The following NIPSNAP3B variants were observed in gnomAD, a reference collection of about 807,000 sequenced individuals.
NIPSNAP3B encodes nipsnap homolog 3B, also known as protein NipSnap homolog 3B.
NIPSNAP3B carries 30 observed loss-of-function variants against 31.5 expected under a neutral mutation model. The ratio of observed to expected loss-of-function variants is 0.95; its 90% CI spans 0.71 to 1.29. NIPSNAP3B has a LOEUF of 1.29. Ranked by LOEUF, NIPSNAP3B falls within the 50% of genes most tolerant of loss-of-function variation. The probability of loss-of-function intolerance (pLI) is 0.00; values close to 1 mark genes in which losing one functional copy is unlikely to be tolerated. For missense variants in NIPSNAP3B, 269 were observed against 300.7 expected (o/e 0.89, Z 0.78); for synonymous variants, 106 against 107.9 (o/e 0.98, Z 0.11).
At chr9:104,770,728 T>C (rs939516938) in intron 3 of NIPSNAP3B, 121 bp from the exon 4 acceptor site, 1 of 740,090 alleles carries the variant, frequency 1.4e-6, no homozygotes, top group Non-Finnish European at 2.3e-6. Flanking sequence ...TGACTGCATA[T>C]GTATGTATAC....
At chr9:104,790,494 T>A in the NIPSNAP3B span, among the ~76,000 whole-genome samples, 20 of 152,298 alleles carry the variant, frequency 1.3e-4, no homozygotes, top group African/African-American at 4.6e-4. Flanking sequence ...TCATTAACAA[T>A]AAAAACTAAT....
rs1459914104 is a variant in NIPSNAP3B at position 104,774,344 on chromosome 9, G to A, written c.*1271G>A. Among the ~76,000 whole-genome samples, 1 of 152,184 alleles carries A rather than the reference G, an allele frequency of 6.6e-6. No individual in the cohort carries two copies. The highest frequency in any genetic ancestry group is 2.4e-5 in the African/African-American group (1 of 41,442). On this transcript the variant is annotated 3_prime_UTR_variant, in exon 6 of 6. Coordinates refer to ENST00000374762, the MANE Select transcript of NIPSNAP3B (RefSeq NM_018376.4). ...GTGAGATATTATTTATGAGAGGCAG[G>A]CAGTGGCAGCTTAAACAGACATACC...
chr9:104,788,506 T>C, the NIPSNAP3B span: 1 of 1,614,204 alleles, frequency 6.2e-7, no homozygotes, highest in Non-Finnish European at 8.5e-7. Context: ...AGCTCTGTGA[T>C]GGCATCAAAC....
rs1197607349 is a variant in NIPSNAP3B at position 104,774,654 on chromosome 9, T to A, written c.*1581T>A. On this transcript the variant is annotated 3_prime_UTR_variant, in exon 6 of 6. Transcript: ENST00000374762. ...TACACTCTACGTTACCTTAAAGGCTTCCCCGGTTTAAGCAAAAATAGAATT... is the reference window on the plus strand; with the variant it reads ...TACACTCTACGTTACCTTAAAGGCTACCCCGGTTTAAGCAAAAATAGAATT... 6.6e-6 allele frequency among the ~76,000 whole-genome samples: 1 copy of A among 152,164 alleles called. No individual in the cohort carries two copies. The highest frequency in any genetic ancestry group is 1.5e-5 in the Non-Finnish European group (1 of 68,028).
chr9:104,785,415 G>A, the NIPSNAP3B span: 2 of 1,614,034 alleles, frequency 1.2e-6, no homozygotes, highest in Admixed American at 1.7e-5. Context: ...TGTTGTCTGA[G>A]AAACAGAGTA....
chr9:104,764,388 G>A (rs1291155548), intron 1 of NIPSNAP3B, 88 bp downstream of exon 1: 5 of 1,214,878 alleles, frequency 4.1e-6, no homozygotes, highest in Admixed American at 5.7e-5. Context: ...CCACGCTCAG[G>A]CGCTCCCAGA....
At chr9:104,779,338 T>C (rs1321572299), downstream of NIPSNAP3B, among the ~76,000 whole-genome samples, 2 of 152,212 alleles carry the variant, frequency 1.3e-5, no homozygotes, top group Non-Finnish European at 2.9e-5. Flanking sequence ...CCCTAGTACC[T>C]AGAGAAGTAT....
At chr9:104,768,058 T>C (rs1206881201) in intron 2 of NIPSNAP3B, among the ~76,000 whole-genome samples, 3 of 152,176 alleles carry the variant, frequency 2.0e-5, no homozygotes, top group Admixed American at 6.5e-5. Flanking sequence ...ATAGATACTA[T>C]GTAAGTAGTT....
At position 104,772,290 on chromosome 9, in the gene NIPSNAP3B, G is replaced by GTTTTATCATGAT. The variant is rs1207623891; in HGVS notation, c.581-531_581-530insTTTATCATGATT. ...TTTGTTTTTATCATGATTGTTTTTG[G>GTTTTATCATGAT]TGTCTTTGTCATTCAAAATTAATAT... is the stretch of plus-strand genomic sequence containing the variant. On this transcript the variant is annotated intron_variant, in intron 4 of 5. Transcript: ENST00000374762. 2.2e-4 allele frequency among the ~76,000 whole-genome samples: 26 copies of GTTTTATCATGAT among 119,586 alleles called. 1 individual carries two copies. The highest frequency in any genetic ancestry group is 2.1e-3 in the South Asian group (8 of 3,818). 78.5% of individuals were successfully genotyped at this position (119,586 alleles called of 152,430 possible).
At chr9:104,768,559 T>C (rs1337684086) in intron 2 of NIPSNAP3B, among the ~76,000 whole-genome samples, 2 of 152,206 alleles carry the variant, frequency 1.3e-5, no homozygotes, top group African/African-American at 2.4e-5. Context: ...CTTCACAGAA[T>C]AAGAAACTGA....
rs28379689 is a variant in NIPSNAP3B, at chr9:104,773,211, A to T, written c.*138A>T. 1.2e-6 allele frequency: 1 copy of T among 812,972 alleles called. No individual in the cohort carries two copies. The highest frequency in any genetic ancestry group is 2.6e-5 in the Admixed American group (1 of 37,770). 50.4% of individuals were successfully genotyped at this position (812,972 alleles called of 1,614,324 possible). The stretch of plus-strand genomic sequence containing the variant: ...TTAGTTAATTTGCTGTGCTTCTTGC[A>T]TTTTTGAAAGTTACATATTCTCCAC... On this transcript the variant is annotated 3_prime_UTR_variant, in exon 6 of 6. Coordinates refer to ENST00000374762, the MANE Select transcript of NIPSNAP3B (RefSeq NM_018376.4).
chr9:104,766,352 A>C lies in NIPSNAP3B; in HGVS notation c.88A>C (p.Arg30=), dbSNP rs1197778764. The change falls in exon 2 of 6, where the codon AGA becomes CGA. Residue 30 remains arginine, a synonymous_variant. Transcript: ENST00000374762. ...GTGTTCATCTTTTGCTACGGGCCCT[A>C]GACAATACGATGGAACGTTCTATGA... ...QVCSSFATGP[R]QYDGTFYEFR... is the part of the protein sequence containing the mutation. 1 of 1,613,638 alleles carries C rather than the reference A, an allele frequency of 6.2e-7. No homozygotes were observed. The highest frequency in any genetic ancestry group is 8.5e-7 in the Non-Finnish European group (1 of 1,179,646).
Position 104,772,540 on chromosome 9 carries a change from A to T in NIPSNAP3B, c.581-282A>T, listed in dbSNP as rs558792094. ...CAATTTTTTATAATCTGCTTTTTTTAAAAAATAAAACATAGTAGGAAGTCA... is the reference window on the plus strand; with the variant it reads ...CAATTTTTTATAATCTGCTTTTTTTTAAAAATAAAACATAGTAGGAAGTCA... On this transcript the variant is annotated intron_variant, in intron 4 of 5. Coordinates refer to ENST00000374762, the MANE Select transcript of NIPSNAP3B (RefSeq NM_018376.4). Among the ~76,000 whole-genome samples, 27 of 152,116 alleles carry T rather than the reference A, an allele frequency of 1.8e-4. 1 individual carries two copies. Among genetic ancestry groups the T allele is most frequent in the South Asian group, 1.7e-3 (8 of 4,826 alleles).
chr9:104,788,245 C>T, the NIPSNAP3B span, among the ~76,000 whole-genome samples: 1 of 152,136 alleles, frequency 6.6e-6, no homozygotes, highest in Non-Finnish European at 1.5e-5. Context: ...CTCTGCCCAC[C>T]CAGCCCTGCC....
At chr9:104,785,277 T>C in the NIPSNAP3B span, 1 of 1,336,622 alleles carries the variant, frequency 7.5e-7, no homozygotes, top group East Asian at 2.4e-5. Context: ...CTAGGAATAG[T>C]AGATCAGGAA....
intron 1 of NIPSNAP3B, 72 bp downstream of exon 1, chr9:104,764,372 T>C: frequency 4.5e-6 from 6 of 1,327,050 alleles, no homozygotes; most frequent in Admixed American, 2.6e-5. Flanking sequence ...TTCTGAAGCG[T>C]GCGAGCCACG....
chr9:104,786,302 T>A, the NIPSNAP3B span: 3 of 1,613,278 alleles, frequency 1.9e-6, no homozygotes, highest in Non-Finnish European at 2.5e-6. Flanking sequence ...TATTACCTAT[T>A]TTTTAGATGC....
chr9:104,772,967 T>G (rs1828257369), intron 5 of NIPSNAP3B, 30 bp from the exon 6 acceptor site: 1 of 1,614,014 alleles, frequency 6.2e-7, no homozygotes, highest in East Asian at 2.2e-5. Flanking sequence ...AACCAATAAC[T>G]GTATGCCTTC....
intron 1 of NIPSNAP3B, 83 bp downstream of exon 1, chr9:104,764,383 C>G: frequency 8.1e-7 from 1 of 1,241,982 alleles, no homozygotes; most frequent in Non-Finnish European, 1.1e-6. Context: ...GCGAGCCACG[C>G]TCAGGCGCTC....
Sources: gnomAD v4.1 joint callset for allele counts (sites outside exome capture counted in the v4.1 genomes callset) on GRCh38, gnomAD v4.1.1 for gene constraint, MANE v1.5 for transcripts, NCBI Gene and HGNC (gene_info 2026-07-23, HGNC 2026-07-21) for gene names.